Variants in TMF1 observed in about 807,000 individuals in gnomAD.
TMF1 encodes the protein TATA element modulatory factor.
In TMF1, 71 loss-of-function variants were observed where a neutral mutation model predicts 126.5. That is an observed-to-expected ratio of 0.56 (90% CI 0.46 to 0.68). The LOEUF (loss-of-function observed/expected upper bound fraction) is 0.68. Ranked by LOEUF, TMF1 falls within the 30% of genes least tolerant of loss-of-function variation. The pLI is 0.00. For missense variants in TMF1, 1,259 were observed against 1,253.2 expected, an observed-to-expected ratio of 1.00 and a Z score of -0.07; for synonymous variants, 461 against 430.5, an observed-to-expected ratio of 1.07 and a Z score of -0.88.
At chr3:69,051,845 C>A (rs1201892055) in intron 1 of TMF1, 100 bp downstream of exon 1, 1 of 1,366,052 alleles carries the variant, frequency 7.3e-7, no homozygotes, top group African/African-American at 1.5e-5. Context: ...CCTGAAAACT[C>A]TCTCAGCAAG....
At chr3:69,026,742 A>G (rs751871298) in intron 13 of TMF1, among the ~76,000 whole-genome samples, 23 of 151,542 alleles carry the variant, frequency 1.5e-4, no homozygotes, top group Admixed American at 8.5e-4. Flanking sequence ...TTATAATAGA[A>G]TAAGAATGTT....
intron 8 of TMF1, among the ~76,000 whole-genome samples, chr3:69,037,047 G>T (rs2091835759): frequency 6.6e-6 from 1 of 151,982 alleles, no homozygotes; most frequent in Non-Finnish European, 1.5e-5. Context: ...CTAGTATGCA[G>T]ATTATACAAA....
intron 16 of TMF1, among the ~76,000 whole-genome samples, chr3:69,023,575 T>C (rs1441318457): frequency 6.6e-6 from 1 of 152,092 alleles, no homozygotes; most frequent in African/African-American, 2.4e-5. Context: ...TCCCCATATA[T>C]GACTTCTCTC....
In TMF1 at chr3:69,047,929, A is replaced by T; in HGVS notation, c.776T>A (p.Ile259Asn). ...FSSGTSTTSD[I>N]EVLDHESVIS... ...TACACTTTCATGATCTAAAACTTCA[A>T]TATCACTGGTGGTAGAAGTACCTGA... The change falls in exon 2 of 17, where the codon ATT becomes AAT. Residue 259 changes from isoleucine (I) to asparagine (N), a missense_variant. Physicochemically the swap from Ile to Asn is moderately radical, Grantham distance 149 (BLOSUM62 -3). Coordinates refer to ENST00000398559, the MANE Select transcript of TMF1 (RefSeq NM_007114.3). The T allele has an allele frequency of 6.2e-7, 1 of 1,613,914 alleles. No homozygotes were observed. Among genetic ancestry groups the T allele is most frequent in the Non-Finnish European group, 8.5e-7 (1 of 1,180,028 alleles).
At position 69,030,000 on chromosome 3, in the gene TMF1, G is replaced by C; in HGVS notation, c.2409C>G (p.Ser803=). 3 of 1,612,050 alleles carry C rather than the reference G, an allele frequency of 1.9e-6. No homozygotes were observed. The highest frequency in any genetic ancestry group is 2.5e-6 in the Non-Finnish European group (3 of 1,179,148). Residue 803 remains serine, a synonymous_variant, in exon 11 of 17, where the codon TCC becomes TCG. Transcript: ENST00000398559. ...CAACTGCTGCTGCCAGCAAGGTCTG[G>C]GATTCACCTGATTACAGGACAGAAA... ...EKNLSDRLGE[S]QTLLAAAVER...
At chr3:69,030,265 A>T (rs2091791798) in intron 10 of TMF1, 1 of 341,586 alleles carries the variant, frequency 2.9e-6, no homozygotes, top group South Asian at 7.8e-5. Flanking sequence ...ACCAACACCA[A>T]ATGGTCCTGG....
In TMF1 at chr3:69,052,111, G is replaced by A. The variant is rs762939997; in HGVS notation, c.-25C>T. ...TCGCCCCTCCTCAGCCGGCAGTGGC[G>A]GCGGCAGCACCAAGCGGGAAGGCCT... On this transcript the variant is annotated 5_prime_UTR_variant, in exon 1 of 17. Transcript: ENST00000398559. The A allele has an allele frequency of 3.8e-6, 6 of 1,598,108 alleles. No homozygotes were observed. The highest frequency in any genetic ancestry group is 1.7e-5 in the Admixed American group (1 of 58,550).
At chr3:69,031,417 TAC>T (rs34091520) in intron 10 of TMF1, among the ~76,000 whole-genome samples, 47 of 150,660 alleles carry the variant, frequency 3.1e-4, no homozygotes, top group African/African-American at 7.1e-4. Flanking sequence ...TAGAACTTAA[TAC>T]ACACACACAC....
intron 9 of TMF1, 38 bp from the exon 10 acceptor site, chr3:69,033,742 C>T (rs542989645): frequency 6.5e-7 from 1 of 1,528,788 alleles, no homozygotes; most frequent in South Asian, 1.3e-5. Flanking sequence ...CCAATGACAG[C>T]AATAAAAACA....
At chr3:69,035,318 A>T in intron 8 of TMF1, 3 of 552,210 alleles carry the variant, frequency 5.4e-6, no homozygotes, top group Non-Finnish European at 6.4e-6. Flanking sequence ...TACTTAGAAA[A>T]GCATTCTGTT....
In TMF1 at chr3:69,022,938, A is replaced by G. The variant is rs1190868583; in HGVS notation, c.*239T>C. 2.8e-6 allele frequency: 1 copy of G among 355,064 alleles called. No individual in the cohort carries two copies. Among genetic ancestry groups the G allele is most frequent in the Non-Finnish European group, 5.0e-6 (1 of 198,426 alleles). The allele number at this position is 355,064 out of a possible 1,614,324, so 22.0% of individuals were successfully genotyped here. A position where few individuals can be genotyped will look rare whatever the true frequency, so the allele number is the denominator to read the frequency against. On this transcript the variant is annotated 3_prime_UTR_variant, in exon 17 of 17. Transcript: ENST00000398559. ...ATCTCTGTGCTATTCAAGGAAAAAA[A>G]ATGAATGCTTTAAAAAATAAATCTT...
Position 69,042,187 on chromosome 3 carries a change from C to T in TMF1, c.1684+620G>A, listed in dbSNP as rs534590489. Among the ~76,000 whole-genome samples the T allele has an allele frequency of 2.1e-3, 320 of 152,140 alleles. 1 individual carries two copies. The highest frequency in any genetic ancestry group is 7.3e-3 in the African/African-American group (302 of 41,502). On this transcript the variant is annotated intron_variant, in intron 5 of 16. Coordinates refer to ENST00000398559, the MANE Select transcript of TMF1 (RefSeq NM_007114.3). The stretch of plus-strand genomic sequence containing the variant: ...GAGTAGCTGGGATTAGAGGCACGCA[C>T]CACCACCACCCGGCTAATTTTTGTA...
At chr3:69,037,794 C>T (rs2107463129) in intron 8 of TMF1, among the ~76,000 whole-genome samples, 1 of 151,698 alleles carries the variant, frequency 6.6e-6, no homozygotes, top group Middle Eastern at 3.4e-3. Context: ...AAGAGTGAGA[C>T]TCTGTCTCAA....
In TMF1 at chr3:69,051,931, CCT is replaced by C. The variant is rs1295009323; in HGVS notation, c.142+12_142+13del. On this transcript the variant is annotated intron_variant, in intron 1 of 16. Coordinates refer to ENST00000398559, the MANE Select transcript of TMF1 (RefSeq NM_007114.3). ...GCCTCCGGGAGCCAGGAACCCCGCTCCTCTCTCTCTTACCCGGCTCTCCATAC... is the reference window on the plus strand; with the variant it reads ...GCCTCCGGGAGCCAGGAACCCCGCTCCTCTCTCTTACCCGGCTCTCCATAC... The C allele has an allele frequency of 1.2e-6, 2 of 1,611,142 alleles. No homozygotes were observed. Among genetic ancestry groups the C allele is most frequent in the Non-Finnish European group, 1.7e-6 (2 of 1,178,560 alleles).
intron 10 of TMF1, 105 bp from the exon 11 acceptor site, chr3:69,030,112 T>C: frequency 3.3e-6 from 3 of 921,046 alleles, no homozygotes; most frequent in Non-Finnish European, 4.8e-6. Flanking sequence ...TAGCCACACT[T>C]AAAACTGATA....
In TMF1 at chr3:69,047,479, T is replaced by C. The variant is rs190694509; in HGVS notation, c.1226A>G (p.Asp409Gly). 17 of 1,614,212 alleles carry C rather than the reference T, an allele frequency of 1.1e-5. No individual in the cohort carries two copies. Among genetic ancestry groups the C allele is most frequent in the Non-Finnish European group, 1.4e-5 (17 of 1,180,024 alleles). ...TATTGGTGTGGAAGAAACCAAGATA[T>C]CAGGCTGTTCACAGTTAACAGGAGT... ...SATPVNCEQP[D>G]ILVSSTPINE... Residue 409 changes from aspartate (D) to glycine (G), a missense_variant, in exon 2 of 17, where the codon GAT becomes GGT. Asp to Gly is a moderately conservative substitution (Grantham distance 94). Transcript: ENST00000398559.
intron 15 of TMF1, chr3:69,024,515 A>T (rs2091756049): frequency 5.9e-6 from 1 of 168,898 alleles, no homozygotes; most frequent in Non-Finnish European, 1.3e-5. Context: ...CCAGAGAAAT[A>T]AAAATATACT....
chr3:69,034,708 C>G (rs776879235), intron 9 of TMF1, among the ~76,000 whole-genome samples: 1 of 152,040 alleles, frequency 6.6e-6, no homozygotes, highest in Admixed American at 6.6e-5. Context: ...GCATAGAAAC[C>G]GGGAACTATT....
In TMF1 at chr3:69,048,274, G is replaced by T. The variant is rs747471322; in HGVS notation, c.431C>A (p.Thr144Asn). 6.2e-7 allele frequency: 1 copy of T among 1,614,204 alleles called. No homozygotes were observed. The highest frequency in any genetic ancestry group is 8.5e-7 in the Non-Finnish European group (1 of 1,180,034). Residue 144 changes from threonine (T) to asparagine (N), a missense_variant, in exon 2 of 17, where the codon ACT becomes AAT. Transcript: ENST00000398559. The part of the protein sequence containing the change: ...HESLHIGQSR[T>N]PETTESQVKD... Reference sequence around the variant, plus strand: ...TACTTGTGATTCAGTTGTTTCAGGAGTTCTTGACTGGCCAATGTGCAAGGA... The same window carrying T: ...TACTTGTGATTCAGTTGTTTCAGGATTTCTTGACTGGCCAATGTGCAAGGA...
Sources: gnomAD v4.1 joint callset for allele counts (sites outside exome capture counted in the v4.1 genomes callset) on GRCh38, gnomAD v4.1.1 for gene constraint, MANE v1.5 for transcripts, NCBI Gene and HGNC (gene_info 2026-07-23, HGNC 2026-07-21) for gene names.